The following TSHR variants were observed in gnomAD, a reference collection of about 807,000 sequenced individuals.
TSHR encodes thyrotropin receptor.
A neutral mutation model predicts 64.1 loss-of-function variants in TSHR; 51 were observed. The observed-to-expected ratio is 0.80, with a 90% CI of 0.64 to 1.01. The LOEUF (loss-of-function observed/expected upper bound fraction) is 1.01. TSHR is among the 50% of genes least tolerant of loss of function. The pLI, the probability that TSHR is intolerant of heterozygous loss-of-function variation, is 0.00. For missense variants in TSHR, 877 were observed against 942.8 expected, an observed-to-expected ratio of 0.93 and a Z score of 0.91; for synonymous variants, 361 against 361.9, an observed-to-expected ratio of 1.00 and a Z score of 0.03.
intron 8 of TSHR, among the ~76,000 whole-genome samples, chr14:81,137,233 G>A (rs1891491464): frequency 6.6e-6 from 1 of 152,138 alleles, no homozygotes; most frequent in Non-Finnish European, 1.5e-5. Flanking sequence ...GGTCCAGAGT[G>A]ATCCCTGGAC....
At chr14:80,965,366 A>G (rs1420376998) in intron 1 of TSHR, among the ~76,000 whole-genome samples, 1 of 152,142 alleles carries the variant, frequency 6.6e-6, no homozygotes, top group East Asian at 1.9e-4. Context: ...TCAGCCTGCA[A>G]CACCTTTGAA....
intron 1 of TSHR, among the ~76,000 whole-genome samples, chr14:80,977,108 G>A (rs773293485): frequency 5.3e-5 from 8 of 152,180 alleles, no homozygotes; most frequent in Admixed American, 3.3e-4. Flanking sequence ...AGGCTCATTC[G>A]TCTCCTCCTC....
At chr14:81,100,649 C>T (rs1889519392) in intron 7 of TSHR, among the ~76,000 whole-genome samples, 1 of 152,216 alleles carries the variant, frequency 6.6e-6, no homozygotes, top group Non-Finnish European at 1.5e-5. Context: ...TCCCCCAGTC[C>T]CCTCCTCAGT....
At chr14:81,057,110 C>T (rs1206882227) in intron 1 of TSHR, among the ~76,000 whole-genome samples, 2 of 152,096 alleles carry the variant, frequency 1.3e-5, no homozygotes, top group African/African-American at 4.8e-5. Context: ...AACAAATTCA[C>T]CAATGAAAAT....
intron 1 of TSHR, among the ~76,000 whole-genome samples, chr14:80,989,503 G>A (rs1425771475): frequency 6.6e-6 from 1 of 151,982 alleles, no homozygotes; most frequent in Non-Finnish European, 1.5e-5. Flanking sequence ...ACTATTCACA[G>A]CTCTCCTGAA....
chr14:81,096,594 C>T (rs1366956565), intron 6 of TSHR, 45 bp from the exon 7 acceptor site: 3 of 1,590,272 alleles, frequency 1.9e-6, no homozygotes, highest in African/African-American at 2.7e-5. Context: ...AGGCCAGCAC[C>T]ACTTCTCACC....
intron 1 of TSHR, among the ~76,000 whole-genome samples, chr14:80,976,522 C>T (rs113317055): frequency 1.3e-5 from 2 of 152,264 alleles, no homozygotes; most frequent in African/African-American, 4.8e-5. Context: ...GGCCTGAACC[C>T]ATAGTTACCA....
In TSHR at chr14:81,092,470, G is replaced by A. The variant is rs1888819003; in HGVS notation, c.468-61G>A. On this transcript the variant is annotated intron_variant, in intron 5 of 9. Coordinates refer to ENST00000298171, the MANE Select transcript of TSHR (RefSeq NM_000369.5). ...TTATTTAAGTGCATATGCGCAGCAA[G>A]ACCCCTGCTGCAGAAGGAAAGCATT... 5 of 1,463,798 alleles carry A rather than the reference G, an allele frequency of 3.4e-6. No individual in the cohort carries two copies. The Admixed American group carries it at 8.4e-5, about 24-fold the overall frequency. The allele number at this position is 1,463,798 out of a possible 1,614,324, so 90.7% of individuals were successfully genotyped here.
At position 80,962,090 on chromosome 14, in the gene TSHR, C is replaced by T. The variant is rs562433849; in HGVS notation, c.170+6240C>T. 2.6e-4 allele frequency among the ~76,000 whole-genome samples: 39 copies of T among 152,198 alleles called. No individual in the cohort carries two copies. The South Asian group carries it at 5.6e-3, about 22-fold the overall frequency. ...TATGCTTTGGGAACATTGCTTAGTT[C>T]CTCTGGGCCTCAGTTTCTCCATCTA... On this transcript the variant is annotated intron_variant, in intron 1 of 9. Transcript: ENST00000298171.
At chr14:80,959,568 C>T (rs569202229) in intron 1 of TSHR, 19 of 152,310 alleles carry the variant, frequency 1.2e-4, no homozygotes, top group African/African-American at 4.1e-4. Flanking sequence ...AGTGCTGGCA[C>T]GCCTTACTGT....
chr14:81,105,867 A>T (rs565266731), intron 7 of TSHR, among the ~76,000 whole-genome samples: 21 of 152,208 alleles, frequency 1.4e-4, no homozygotes, highest in African/African-American at 4.3e-4. Flanking sequence ...TCCAGAGAAT[A>T]CAAAAAGAGA....
chr14:81,098,280 C>A (rs1389036097), intron 7 of TSHR, among the ~76,000 whole-genome samples: 1 of 152,134 alleles, frequency 6.6e-6, no homozygotes, highest in Admixed American at 6.5e-5. Flanking sequence ...GCCTAAATAT[C>A]GAATAACATT....
chr14:80,996,773 A>C (rs1286993315), intron 1 of TSHR, among the ~76,000 whole-genome samples: 1 of 152,102 alleles, frequency 6.6e-6, no homozygotes, highest in African/African-American at 2.4e-5. Context: ...CCGTGGACTG[A>C]GGTGGGTGCG....
intron 1 of TSHR, among the ~76,000 whole-genome samples, chr14:81,055,766 C>T (rs2215982): frequency 0.13 from 19,937 of 152,192 alleles, 1,591 homozygotes; most frequent in Non-Finnish European, 0.18. Flanking sequence ...TTACCCAATA[C>T]TTGTATCTGC....
intron 3 of TSHR, among the ~76,000 whole-genome samples, chr14:81,081,264 A>C (rs1887883272): frequency 6.6e-6 from 1 of 152,170 alleles, no homozygotes; most frequent in Non-Finnish European, 1.5e-5. Flanking sequence ...TAAAATATAT[A>C]TGTATGTATG....
In TSHR at chr14:81,085,121, C is replaced by T. The variant is rs542171234; in HGVS notation, c.318-2833C>T. 2.0e-5 allele frequency among the ~76,000 whole-genome samples: 3 copies of T among 152,210 alleles called. No homozygotes were observed. The South Asian group carries it at 6.2e-4, about 32-fold the overall frequency. On this transcript the variant is annotated intron_variant, in intron 3 of 9. Coordinates refer to ENST00000298171, the MANE Select transcript of TSHR (RefSeq NM_000369.5). ...GAATTACAGACATAAGCCACCACAC[C>T]CGGCTAATTTTTGCATTTTTAGTAA...
chr14:81,006,676 C>A (rs563063598), intron 1 of TSHR, among the ~76,000 whole-genome samples: 1 of 152,212 alleles, frequency 6.6e-6, no homozygotes, highest in African/African-American at 2.4e-5. Flanking sequence ...CCATGCCCAG[C>A]TAATTTTTGT....
Position 81,103,403 on chromosome 14 carries a change from A to C in TSHR, c.615-4972A>C. ...TAAACAATGTGTCATCCAAAAGAGCAATCATCCCCTATCATTCCACTTCAT... is the reference window on the plus strand; with the variant it reads ...TAAACAATGTGTCATCCAAAAGAGCCATCATCCCCTATCATTCCACTTCAT... On this transcript the variant is annotated intron_variant, in intron 7 of 9. Transcript: ENST00000298171. The surrounding 1 kb of genome is among the most constrained non-coding windows in gnomAD (Gnocchi z 4.1). 1 of 985,478 alleles carries C rather than the reference A, an allele frequency of 1.0e-6. No individual in the cohort carries two copies. The highest frequency in any genetic ancestry group is 1.2e-6 in the Non-Finnish European group (1 of 829,940). The allele number at this position is 985,478 out of a possible 1,614,324, so 61.0% of individuals were successfully genotyped here.
intron 1 of TSHR, chr14:81,001,914 C>G: frequency 5.4e-6 from 1 of 186,666 alleles, no homozygotes; most frequent in Non-Finnish European, 1.1e-5. Flanking sequence ...CAATCTTTCA[C>G]CGTCATTCAT....
Sources: allele counts gnomAD v4.1 joint callset (sites outside exome capture counted in the v4.1 genomes callset), GRCh38; gene constraint gnomAD v4.1.1; non-coding constraint Gnocchi (gnomAD v3.1); transcripts MANE v1.5; gene names NCBI Gene and HGNC (gene_info 2026-07-23, HGNC 2026-07-21).